Variants in ASIC2 observed in about 807,000 individuals in gnomAD.
ASIC2 encodes acid-sensing ion channel 2.
A neutral mutation model predicts 57.3 loss-of-function variants in ASIC2; 25 were observed. The observed-to-expected ratio is 0.44, with a 90% CI of 0.32 to 0.61. The LOEUF is 0.61. Among genes scored for constraint, ASIC2 ranks in the 20% least tolerant of loss-of-function variants. The pLI is 0.06. For synonymous variants in ASIC2, 319 were observed against 307.5 expected, an observed-to-expected ratio of 1.04 and a Z score of -0.39; for missense variants, 641 against 738.1, an observed-to-expected ratio of 0.87 and a Z score of 1.52.
intron 1 of ASIC2, among the ~76,000 whole-genome samples, chr17:34,053,881 T>C (rs1908661182): frequency 6.6e-6 from 1 of 152,200 alleles, no homozygotes; most frequent in African/African-American, 2.4e-5. Context: ...CCTCTGTCTA[T>C]GAAAGCCATG....
rs117109781 is a variant in ASIC2 at position 33,714,762 on chromosome 17, G to A, written c.555+441216C>T. ...GAAACCTAAAACAAAACAACCAAAT[G>A]TTGTTGTTTCACTGGTATTTGTTAT... On this transcript the variant is annotated intron_variant, in intron 1 of 9. Transcript: ENST00000359872. 6.9e-3 allele frequency among the ~76,000 whole-genome samples: 983 copies of A among 143,318 alleles called. 29 individuals are homozygous for A. In the East Asian group the frequency reaches 0.08, roughly 12 times the overall value. 94.0% of individuals were successfully genotyped at this position (143,318 alleles called of 152,430 possible).
At chr17:33,899,008 G>A (rs564912153) in intron 1 of ASIC2, among the ~76,000 whole-genome samples, 1 of 152,112 alleles carries the variant, frequency 6.6e-6, no homozygotes, top group African/African-American at 2.4e-5. Flanking sequence ...ATTCCTCCGA[G>A]GTAAAGATCC....
At chr17:33,084,034 T>C (rs2092124623) in intron 3 of ASIC2, among the ~76,000 whole-genome samples, 1 of 152,224 alleles carries the variant, frequency 6.6e-6, no homozygotes, top group Admixed American at 6.5e-5. Context: ...AGAGGGTTTA[T>C]CTCACATCCT....
intron 1 of ASIC2, among the ~76,000 whole-genome samples, chr17:33,282,453 A>ATGTGTGTG (rs35692967): frequency 1.8e-4 from 27 of 147,550 alleles, no homozygotes; most frequent in South Asian, 4.5e-4. Flanking sequence ...CTCTGTGTGT[A>ATGTGTGTG]TGTGTGTGTG....
chr17:33,111,362 A>T (rs2092257335), intron 2 of ASIC2, among the ~76,000 whole-genome samples: 1 of 152,206 alleles, frequency 6.6e-6, no homozygotes, highest in Non-Finnish European at 1.5e-5. Flanking sequence ...TGAAGAAATA[A>T]ATGAATAAAT....
At chr17:33,041,851 T>C (rs369748041) in intron 3 of ASIC2, among the ~76,000 whole-genome samples, 6 of 152,314 alleles carry the variant, frequency 3.9e-5, no homozygotes, top group African/African-American at 1.4e-4. Flanking sequence ...TTTCTGGGCC[T>C]TTGTGCCCCA....
chr17:34,117,561 C>A (rs934974654), intron 1 of ASIC2, among the ~76,000 whole-genome samples: 3 of 152,098 alleles, frequency 2.0e-5, no homozygotes, highest in African/African-American at 7.2e-5. Flanking sequence ...ACCTAGGGAA[C>A]CTGGGGTCCA....
At chr17:33,593,012 C>T (rs1232398425) in intron 1 of ASIC2, among the ~76,000 whole-genome samples, 2 of 152,158 alleles carry the variant, frequency 1.3e-5, no homozygotes, top group Non-Finnish European at 2.9e-5. Context: ...ATCCCCTTTC[C>T]CCAAATTGAA....
chr17:33,864,187 G>A (rs1042857076), intron 1 of ASIC2, among the ~76,000 whole-genome samples: 12 of 152,082 alleles, frequency 7.9e-5, no homozygotes, highest in Non-Finnish European at 2.9e-5. Flanking sequence ...GATTATAGGC[G>A]TGAGCCACCC....
chr17:33,782,589 C>A lies in ASIC2; in HGVS notation c.555+373389G>T, dbSNP rs1046232958. Among the ~76,000 whole-genome samples the A allele has an allele frequency of 3.3e-5, 5 of 151,992 alleles. No individual in the cohort carries two copies. In the East Asian group the frequency reaches 9.7e-4, roughly 29 times the overall value. ...TAAAAAACACAAAAAATTAGCTGGG[C>A]TTGGCGGCATATGCCTGTGGTCCCA... is the stretch of plus-strand genomic sequence containing the variant. On this transcript the variant is annotated intron_variant, in intron 1 of 9. Coordinates refer to the ASIC2 transcript ENST00000359872.
intron 1 of ASIC2, among the ~76,000 whole-genome samples, chr17:33,708,640 G>A (rs1446877777): frequency 3.9e-5 from 6 of 152,086 alleles, no homozygotes; most frequent in Non-Finnish European, 8.8e-5. Context: ...TATGGGATGA[G>A]GTTTCTCTGC....
chr17:33,762,427 C>CA (rs1479067253), intron 1 of ASIC2, among the ~76,000 whole-genome samples: 4 of 152,158 alleles, frequency 2.6e-5, no homozygotes, highest in Non-Finnish European at 5.9e-5. Context: ...TGTGCAGCAA[C>CA]TCACTTTTAT....
chr17:33,682,148 C>T (rs1051280962), intron 1 of ASIC2, among the ~76,000 whole-genome samples: 1 of 150,996 alleles, frequency 6.6e-6, no homozygotes, highest in Non-Finnish European at 1.5e-5. Context: ...CAAGCTCCGC[C>T]TCCCGAGTTC....
At chr17:33,157,675 T>A (rs187577273) in intron 1 of ASIC2, among the ~76,000 whole-genome samples, 14 of 152,316 alleles carry the variant, frequency 9.2e-5, no homozygotes, top group African/African-American at 3.1e-4. Flanking sequence ...ACCTCCCTGC[T>A]CCCACCTTGG....
At chr17:34,055,220 G>A (rs1276331686) in intron 1 of ASIC2, among the ~76,000 whole-genome samples, 3 of 152,164 alleles carry the variant, frequency 2.0e-5, no homozygotes, top group Non-Finnish European at 2.9e-5. Flanking sequence ...GAAGAGACAC[G>A]ATTCGATTTA....
chr17:33,932,701 G>A (rs1318574904), intron 1 of ASIC2: 4 of 44,846 alleles, frequency 8.9e-5, no homozygotes, highest in Admixed American at 3.8e-4. Flanking sequence ...CAACAAAAGC[G>A]AAACTTTGTT....
chr17:33,364,909 C>T lies in ASIC2; in HGVS notation c.556-252842G>A, dbSNP rs904378817. ...CTAATAAGTTTCCCTGCTTCCAGTC[C>T]AACTCCGCAGTCAAGTATCTAGGTT... On this transcript the variant is annotated intron_variant, in intron 1 of 9. Transcript: ENST00000359872. Among the ~76,000 whole-genome samples the T allele has an allele frequency of 2.0e-5, 3 of 152,260 alleles. No individual in the cohort carries two copies. In the South Asian group the frequency reaches 6.2e-4, roughly 32 times the overall value.
chr17:33,268,332 AT>A (rs1567804654), intron 1 of ASIC2, among the ~76,000 whole-genome samples: 3 of 149,616 alleles, frequency 2.0e-5, no homozygotes, highest in African/African-American at 7.4e-5. Flanking sequence ...TCATCCATCC[AT>A]CTTTCCATCA....
intron 1 of ASIC2, among the ~76,000 whole-genome samples, chr17:33,439,202 A>G (rs1911739184): frequency 6.6e-6 from 1 of 152,186 alleles, no homozygotes; most frequent in Admixed American, 6.5e-5. Context: ...GTGACTTTCA[A>G]TTTAGACACC....
Sources: allele counts gnomAD v4.1 joint callset (sites outside exome capture counted in the v4.1 genomes callset), GRCh38; gene constraint gnomAD v4.1.1; transcripts MANE v1.5; gene names NCBI Gene and HGNC (gene_info 2026-07-23, HGNC 2026-07-21).